The following ARFGEF3 variants were observed in gnomAD, a reference collection of about 807,000 sequenced individuals.
The protein encoded by ARFGEF3 is brefeldin A-inhibited guanine nucleotide-exchange protein 3.
ARFGEF3 carries 96 observed loss-of-function variants against 221.7 expected under a neutral mutation model. That is an observed-to-expected ratio of 0.43 (90% confidence interval 0.37 to 0.51). The LOEUF (loss-of-function observed/expected upper bound fraction) is 0.51. Ranked by LOEUF, ARFGEF3 falls within the 20% of genes least tolerant of loss-of-function variation. The pLI is 0.00. For missense variants in ARFGEF3, 2,410 were observed against 2,789.9 expected (o/e 0.86, Z 3.07); for synonymous variants, 1,145 against 1,126.8 (o/e 1.02, Z -0.32).
rs116596107 is a variant in ARFGEF3, at chr6:138,262,877, C to G, written c.1394C>G (p.Ala465Gly). Reference protein sequence around the residue: ...LLRLEELKDGAEWSRDSMEIN... With the variant: ...LLRLEELKDGGEWSRDSMEIN... ...CGCCTTGAGGAGCTGAAGGATGGGG[C>G]TGAGTGGAGCCGAGATTCCATGGAG... Residue 465 changes from alanine to glycine, a missense_variant, in exon 12 of 34, where the codon GCT becomes GGT. Coordinates refer to ENST00000251691, the MANE Select transcript of ARFGEF3 (RefSeq NM_020340.5). 750 of 1,613,746 alleles carry G rather than the reference C, an allele frequency of 4.6e-4. 2 individuals carry two copies. In the African/African-American group the frequency reaches 8.2e-3, roughly 18 times the overall value.
At chr6:138,238,747 CTTGTT>C (rs2114547811) in intron 6 of ARFGEF3, 116 bp downstream of exon 6, 1 of 907,566 alleles carries the variant, frequency 1.1e-6, no homozygotes, top group East Asian at 2.5e-5. Context: ...GAAGAGCTTG[CTTGTT>C]TTAACAGAAC....
At chr6:138,211,731 C>G (rs1777731091) in intron 4 of ARFGEF3, among the ~76,000 whole-genome samples, 1 of 152,190 alleles carries the variant, frequency 6.6e-6, no homozygotes, top group Non-Finnish European at 1.5e-5. Context: ...ACCCATTCTT[C>G]TAGGAGCTAT....
In ARFGEF3 at chr6:138,162,275, C is replaced by G; in HGVS notation, c.85+104C>G. On this transcript the variant is annotated intron_variant, in intron 1 of 33. Transcript: ENST00000251691. This position sits in a 1 kb window ranked among gnomAD's most constrained non-coding sequence, Gnocchi z 4.7. ...TTCGCGGAGCGTCGGTCATGGGTGC[C>G]GTTCTGGCGATTGCGAGAGTCGCCT... 1 of 733,346 alleles carries G rather than the reference C, an allele frequency of 1.4e-6. No homozygotes were observed. The highest frequency in any genetic ancestry group is 2.1e-6 in the Non-Finnish European group (1 of 470,162). The allele number at this position is 733,346 out of a possible 1,614,324, so 45.4% of individuals were successfully genotyped here. A position where few individuals can be genotyped will look rare whatever the true frequency, so the allele number is the denominator to read the frequency against.
chr6:138,183,460 G>A (rs936718100), intron 2 of ARFGEF3, among the ~76,000 whole-genome samples: 6 of 152,156 alleles, frequency 3.9e-5, no homozygotes, highest in Non-Finnish European at 5.9e-5. Context: ...TGATTGCCTC[G>A]CTGTGTTCAG....
chr6:138,210,128 G>C, intron 4 of ARFGEF3, 87 bp downstream of exon 4: 1 of 1,375,898 alleles, frequency 7.3e-7, no homozygotes, highest in Non-Finnish European at 1.0e-6. Context: ...ATGCCTCTGC[G>C]TTGTGGTCAT....
intron 21 of ARFGEF3, among the ~76,000 whole-genome samples, chr6:138,298,372 TTC>T (rs1449924140): frequency 2.0e-5 from 3 of 152,222 alleles, no homozygotes; most frequent in African/African-American, 7.2e-5. Flanking sequence ...ACCGGAAACT[TTC>T]CTTTTTCTAG....
At chr6:138,207,932 TC>T (rs1777653550) in intron 3 of ARFGEF3, among the ~76,000 whole-genome samples, 1 of 152,202 alleles carries the variant, frequency 6.6e-6, no homozygotes, top group East Asian at 1.9e-4. Flanking sequence ...AGAAAACAGT[TC>T]TTTTTCCCCC....
At chr6:138,279,894 G>A (rs765784349) in intron 13 of ARFGEF3, 105 bp from the exon 14 acceptor site, 31 of 1,109,708 alleles carry the variant, frequency 2.8e-5, no homozygotes, top group Non-Finnish European at 4.1e-5. Context: ...CACAAGCCTT[G>A]GTTTAGTTCA....
At chr6:138,202,913 C>T (rs1777563397) in intron 2 of ARFGEF3, among the ~76,000 whole-genome samples, 1 of 151,990 alleles carries the variant, frequency 6.6e-6, no homozygotes, top group Admixed American at 6.6e-5. Context: ...CCCACACACA[C>T]ACACACACAT....
chr6:138,245,624 C>T (rs186781486), intron 8 of ARFGEF3, 33 bp downstream of exon 8: 2 of 1,479,290 alleles, frequency 1.4e-6, no homozygotes, highest in African/African-American at 1.4e-5. Context: ...CTTTTCTTTA[C>T]CAGTGGTCTA....
chr6:138,168,321 G>A (rs944320000), intron 1 of ARFGEF3, among the ~76,000 whole-genome samples: 2 of 152,234 alleles, frequency 1.3e-5, no homozygotes, highest in Admixed American at 1.3e-4. Context: ...TTTAAATAGG[G>A]TATTCACGGA....
At position 138,311,441 on chromosome 6, in the gene ARFGEF3, C is replaced by G; in HGVS notation, c.4131C>G (p.Ala1377=). 3 of 1,608,652 alleles carry G rather than the reference C, an allele frequency of 1.9e-6. No homozygotes were observed. Among genetic ancestry groups the G allele is most frequent in the Non-Finnish European group, 2.5e-6 (3 of 1,177,884 alleles). ...EVDCKEIGDC[A]PAPGAPSTDL... ...ACTGTAAAGAGATTGGAGACTGTGC[C>G]CCAGCACCCGGAGCCCCGTCCACAG... Residue 1377 remains alanine, a synonymous_variant, in exon 25 of 34, where the codon GCC becomes GCG. Transcript: ENST00000251691.
intron 33 of ARFGEF3, among the ~76,000 whole-genome samples, chr6:138,335,771 A>C (rs1045737066): frequency 2.0e-5 from 3 of 152,222 alleles, no homozygotes; most frequent in Non-Finnish European, 4.4e-5. Flanking sequence ...AATGGCCCTG[A>C]AGAAATTCTG....
chr6:138,281,432 T>C (rs375335091), intron 14 of ARFGEF3, among the ~76,000 whole-genome samples: 1 of 152,352 alleles, frequency 6.6e-6, no homozygotes. Context: ...GTACTGAGTA[T>C]AGTAGCCAAC....
chr6:138,248,720 G>A (rs777254085), intron 8 of ARFGEF3, among the ~76,000 whole-genome samples: 1 of 152,102 alleles, frequency 6.6e-6, no homozygotes, highest in African/African-American at 2.4e-5. Context: ...CAGCTACTAG[G>A]GGGGCTGAGG....
intron 2 of ARFGEF3, among the ~76,000 whole-genome samples, chr6:138,182,286 G>T (rs1261911242): frequency 1.3e-5 from 2 of 152,136 alleles, no homozygotes; most frequent in East Asian, 3.8e-4. Flanking sequence ...ATTATTATTT[G>T]CAATTTATGG....
At chr6:138,249,857 TG>T (rs1485646377) in intron 8 of ARFGEF3, among the ~76,000 whole-genome samples, 1 of 152,168 alleles carries the variant, frequency 6.6e-6, no homozygotes, top group Non-Finnish European at 1.5e-5. Flanking sequence ...TACCCTAAAA[TG>T]GGGGCCTTTT....
chr6:138,282,362 G>A (rs1779211211), intron 14 of ARFGEF3, among the ~76,000 whole-genome samples: 1 of 152,200 alleles, frequency 6.6e-6, no homozygotes, highest in South Asian at 2.1e-4. Flanking sequence ...ACACAGCTCG[G>A]CATTGCTCTG....
At chr6:138,303,775 T>C (rs1392359756) in intron 22 of ARFGEF3, among the ~76,000 whole-genome samples, 1 of 138,712 alleles carries the variant, frequency 7.2e-6, no homozygotes, top group East Asian at 2.3e-4. Flanking sequence ...GGTAGGAGAA[T>C]CACTTGAATC....
Sources: gnomAD v4.1 joint callset for allele counts (sites outside exome capture counted in the v4.1 genomes callset) on GRCh38, gnomAD v4.1.1 for gene constraint, Gnocchi (gnomAD v3.1) non-coding constraint, MANE v1.5 for transcripts, NCBI Gene and HGNC (gene_info 2026-07-23, HGNC 2026-07-21) for gene names.